The following DGKE variants were observed in gnomAD, a reference collection of about 807,000 sequenced individuals.
The protein encoded by DGKE is DAG kinase epsilon.
Under a neutral mutation model 70.0 loss-of-function variants are expected in DGKE, and 53 were observed. That is an observed-to-expected ratio of 0.76 (90% CI 0.61 to 0.95). The LOEUF is 0.95. Ranked by LOEUF, DGKE falls within the 40% of genes least tolerant of loss-of-function variation. The probability of loss-of-function intolerance (pLI) is 0.00; values close to 1 mark genes in which losing one functional copy is unlikely to be tolerated. For missense variants in DGKE, 655 were observed against 706.9 expected (o/e 0.93, Z 0.83); for synonymous variants, 291 against 257.0 (o/e 1.13, Z -1.27).
Position 56,858,653 on chromosome 17 carries a change from TA to T in DGKE, c.1278del (p.Val427LeufsTer3). The T allele has an allele frequency of 6.2e-7, 1 of 1,604,068 alleles. No homozygotes were observed. The highest frequency in any genetic ancestry group is 1.7e-5 in the Admixed American group (1 of 57,986). Reference protein sequence around the residue: ...CLVQECKDLNKKVELELDGER... With the variant: ...CLVQECKDLNXKVELELDGER... ...TAGTGCAAGAATGTAAAGATTTGAA[TA>T]AAAAAGTTGAGGTAAGCTATTAACA... On this transcript the variant is annotated frameshift_variant, in exon 9 of 12. Transcript: ENST00000284061. LOFTEE classifies it high-confidence loss of function.
At chr17:56,862,534 G>T in intron 11 of DGKE, 78 bp from the exon 12 acceptor site, 1 of 1,272,564 alleles carries the variant, frequency 7.9e-7, no homozygotes, top group Middle Eastern at 2.6e-4. Flanking sequence ...TTAAGGGATT[G>T]TGGATGGTAT....
intron 7 of DGKE, among the ~76,000 whole-genome samples, chr17:56,855,743 C>T (rs9902931): frequency 0.71 from 107,583 of 152,010 alleles, 38,496 homozygotes; most frequent in East Asian, 0.91. Context: ...CGGTGGCTCA[C>T]GCCTGTAATC....
chr17:56,852,381 C>CT (rs1459251313), intron 7 of DGKE, among the ~76,000 whole-genome samples: 1 of 149,896 alleles, frequency 6.7e-6, no homozygotes, highest in African/African-American at 2.5e-5. Context: ...CCACTGTACT[C>CT]TACCCTGGGC....
chr17:56,856,762 T>G (rs1186831284), intron 8 of DGKE, 137 bp downstream of exon 8: 1 of 1,159,622 alleles, frequency 8.6e-7, no homozygotes, highest in East Asian at 2.8e-5. Flanking sequence ...TTGTGTAGGG[T>G]TGTCAAATTA....
At position 56,843,932 on chromosome 17, in the gene DGKE, TA is replaced by T. The variant is rs1907138400; in HGVS notation, c.465-86del. ...GGTAAGTAGTGATAAAATTATGTTT[TA>T]TTTTTTAACAAAAATGATTGTTTTG... On this transcript the variant is annotated intron_variant, in intron 2 of 11. Coordinates refer to ENST00000284061, the MANE Select transcript of DGKE (RefSeq NM_003647.3). 5 of 1,318,328 alleles carry T rather than the reference TA, an allele frequency of 3.8e-6. No individual in the cohort carries two copies. In the African/African-American group the frequency reaches 4.7e-5, roughly 12 times the overall value. The allele number at this position is 1,318,328 out of a possible 1,614,324, so 81.7% of individuals were successfully genotyped here. A position where few individuals can be genotyped will look rare whatever the true frequency, so the allele number is the denominator to read the frequency against.
chr17:56,847,676 G>T (rs1598029893), intron 4 of DGKE: 1 of 203,804 alleles, frequency 4.9e-6, no homozygotes, highest in Non-Finnish European at 9.8e-6. Flanking sequence ...ACAGGCAAGT[G>T]ATTTAACCTT....
At position 56,862,174 on chromosome 17, in the gene DGKE, T is replaced by C. The variant is rs774644426; in HGVS notation, c.1447T>C (p.Tyr483His). The change falls in exon 11 of 12, where the codon TAT becomes CAT. Residue 483 changes from tyrosine (Y) to histidine (H), a missense_variant. Physicochemically the swap from Tyr to His is moderately conservative, Grantham distance 83. Transcript: ENST00000284061. ...DDGLLEVVGV[Y>H]GSFHCAQIQV... is the part of the protein sequence containing the mutation. ...TGGTCTGCTGGAAGTCGTTGGAGTA[T>C]ATGGGTCTTTCCACTGTGCTCAGAT... The C allele has an allele frequency of 5.0e-6, 8 of 1,614,088 alleles. No individual in the cohort carries two copies. In the Admixed American group the frequency reaches 6.7e-5, roughly 13 times the overall value.
intron 2 of DGKE, among the ~76,000 whole-genome samples, chr17:56,839,012 G>A (rs778058360): frequency 6.6e-6 from 1 of 151,836 alleles, no homozygotes; most frequent in African/African-American, 2.4e-5. Context: ...AGCAATTACA[G>A]TAAGATGTTA....
At chr17:56,841,641 G>A (rs369625389) in intron 2 of DGKE, among the ~76,000 whole-genome samples, 7 of 152,302 alleles carry the variant, frequency 4.6e-5, no homozygotes, top group East Asian at 1.9e-4. Flanking sequence ...TCATGCACTC[G>A]TAACAAGCAT....
chr17:56,849,346 C>A (rs1907511318), intron 7 of DGKE, 114 bp downstream of exon 7: 2 of 926,332 alleles, frequency 2.2e-6, no homozygotes, highest in Non-Finnish European at 3.3e-6. Context: ...GGCTGTGGAG[C>A]AGAACAGAAG....
chr17:56,840,050 GC>G (rs1415560132), intron 2 of DGKE, among the ~76,000 whole-genome samples: 6 of 152,058 alleles, frequency 3.9e-5, no homozygotes, highest in African/African-American at 7.2e-5. Flanking sequence ...TGTAATCCCA[GC>G]TACTCGGGAG....
At chr17:56,838,082 T>C (rs2144197283) in intron 2 of DGKE, among the ~76,000 whole-genome samples, 1 of 152,328 alleles carries the variant, frequency 6.6e-6, no homozygotes, top group South Asian at 2.1e-4. Flanking sequence ...CTTTGTTTCT[T>C]GTAGTGTTCT....
chr17:56,849,352 A>C, intron 7 of DGKE, 120 bp downstream of exon 7: 1 of 835,978 alleles, frequency 1.2e-6, no homozygotes, highest in Non-Finnish European at 1.9e-6. Flanking sequence ...GGAGCAGAAC[A>C]GAAGCTTATA....
chr17:56,853,777 A>C (rs1264520205), intron 7 of DGKE, among the ~76,000 whole-genome samples: 1 of 152,198 alleles, frequency 6.6e-6, no homozygotes, highest in Non-Finnish European at 1.5e-5. Flanking sequence ...CTAAAACTAG[A>C]ATTACCATAT....
In DGKE at chr17:56,848,817, G is replaced by A. The variant is rs368125102; in HGVS notation, c.1010G>A (p.Arg337Gln). The change falls in exon 6 of 12, where the codon CGA (arginine) becomes CAA (glutamine). Residue 337 changes from arginine (R) to glutamine (Q), a missense_variant. Coordinates refer to ENST00000284061, the MANE Select transcript of DGKE (RefSeq NM_003647.3). Reference protein sequence around the residue: ...AGEIPVAQVLRNVMEADGIKL... With the variant: ...AGEIPVAQVLQNVMEADGIKL... Reference sequence around the variant, plus strand: ...GAAATTCCAGTTGCGCAGGTTTTGCGAAATGTAATGGAAGCAGATGGAATT... The same window carrying A: ...GAAATTCCAGTTGCGCAGGTTTTGCAAAATGTAATGGAAGCAGATGGAATT... The A allele has an allele frequency of 2.1e-5, 34 of 1,614,020 alleles. No homozygotes were observed. The highest frequency in any genetic ancestry group is 2.6e-5 in the Non-Finnish European group (31 of 1,180,008).
At chr17:56,858,071 CAAAAA>C (rs11449627) in intron 8 of DGKE, among the ~76,000 whole-genome samples, 1 of 100,536 alleles carries the variant, frequency 9.9e-6, no homozygotes, top group Non-Finnish European at 2.0e-5. Context: ...GACTCCATCT[CAAAAA>C]AAAAAAAAAA....
At chr17:56,849,959 G>A (rs951678873) in intron 7 of DGKE, among the ~76,000 whole-genome samples, 7 of 152,122 alleles carry the variant, frequency 4.6e-5, no homozygotes, top group African/African-American at 1.7e-4. Flanking sequence ...AAAATAAACT[G>A]GGGAGGGGGC....
intron 2 of DGKE, among the ~76,000 whole-genome samples, chr17:56,837,369 C>T (rs1482391869): frequency 6.6e-6 from 1 of 152,166 alleles, no homozygotes; most frequent in Non-Finnish European, 1.5e-5. Context: ...CATGCACCTC[C>T]GTCTCTTAAT....
chr17:56,843,235 T>A (rs534578328), intron 2 of DGKE, among the ~76,000 whole-genome samples: 12 of 152,356 alleles, frequency 7.9e-5, no homozygotes, highest in African/African-American at 2.6e-4. Context: ...ATAAATTTTT[T>A]AAATATTTTT....
Sources: allele counts gnomAD v4.1 joint callset (sites outside exome capture counted in the v4.1 genomes callset), GRCh38; gene constraint gnomAD v4.1.1; transcripts MANE v1.5; gene names NCBI Gene and HGNC (gene_info 2026-07-23, HGNC 2026-07-21).